The following PRH1 variants were observed in gnomAD, a reference collection of about 807,000 sequenced individuals.
The protein encoded by PRH1 is proline rich protein HaeIII subfamily 1, also known as salivary acidic proline-rich phosphoprotein 1/2.
PRH1 carries 7 observed loss-of-function variants against 7.9 expected under a neutral mutation model. The observed-to-expected ratio is 0.89, with a 90% CI of 0.50 to 1.67. The LOEUF (loss-of-function observed/expected upper bound fraction) is 1.67, where lower values mean the gene tolerates loss of function less well. Among genes scored for constraint, PRH1 ranks in the 40% most tolerant of loss-of-function variants. PRH1 has a pLI of 0.00. For missense variants in PRH1, 109 were observed against 223.6 expected (o/e 0.49, Z 3.27); for synonymous variants, 45 against 80.8 (o/e 0.56, Z 2.38).
intron 1 of PRH1, among the ~76,000 whole-genome samples, chr12:11,025,426 T>C (rs1366439283): frequency 5.9e-5 from 9 of 152,290 alleles, no homozygotes; most frequent in East Asian, 1.9e-4. Context: ...TCAGGTTGTA[T>C]TTAGAATACA....
chr12:10,954,636 T>A (rs1937863698), intron 2 of PRH1, among the ~76,000 whole-genome samples: 1 of 151,838 alleles, frequency 6.6e-6, no homozygotes, highest in South Asian at 2.1e-4. Context: ...ACTGGCTAAT[T>A]TTTGTATTTG....
chr12:11,101,603 A>C (rs1945249861), intron 1 of PRH1, among the ~76,000 whole-genome samples: 1 of 152,142 alleles, frequency 6.6e-6, no homozygotes, highest in African/African-American at 2.4e-5. Flanking sequence ...AATATGCTGC[A>C]TCACCCTAAT....
At chr12:11,090,180 T>C (rs1398526460) in intron 1 of PRH1, among the ~76,000 whole-genome samples, 25 of 103,286 alleles carry the variant, frequency 2.4e-4, no homozygotes, top group Non-Finnish European at 4.2e-4. Context: ...CATTTCATCA[T>C]TGATGACAAA....
chr12:10,972,749 T>C (rs1938877392), intron 2 of PRH1, among the ~76,000 whole-genome samples: 1 of 152,296 alleles, frequency 6.6e-6, no homozygotes, highest in South Asian at 2.1e-4. Flanking sequence ...ATGGCCAAAG[T>C]GAATTTGTTT....
rs540211700 is a variant in PRH1, at chr12:11,030,783, A to C, written c.-126+16237T>G. ...AGCAGGGTCAGAGTGAAGGGCACTA[A>C]GTTTCCTAGCGTGGTTACAGTCGCA... On this transcript the variant is annotated intron_variant, in intron 1 of 3. Transcript: ENST00000539853. 55 of 1,614,186 alleles carry C rather than the reference A, an allele frequency of 3.4e-5. No individual in the cohort carries two copies. In the African/African-American group the frequency reaches 6.4e-4, roughly 19 times the overall value.
intron 1 of PRH1, among the ~76,000 whole-genome samples, chr12:11,167,119 TTAAG>T (rs201539630): frequency 0.01 from 1,579 of 152,260 alleles, 17 homozygotes; most frequent in Non-Finnish European, 0.013. Context: ...GTTCCAAAGA[TTAAG>T]TCATAGACAT....
At chr12:11,115,105 G>A (rs1002949900) in intron 1 of PRH1, among the ~76,000 whole-genome samples, 1 of 152,072 alleles carries the variant, frequency 6.6e-6, no homozygotes, top group Non-Finnish European at 1.5e-5. Context: ...ACATAGTCTG[G>A]CTAAATGGAA....
At position 11,077,514 on chromosome 12, in the gene PRH1, C is replaced by A; in HGVS notation, n.124-30326G>T. 1.8e-6 allele frequency: 2 copies of A among 1,098,222 alleles called. 1 individual carries two copies. Among genetic ancestry groups the A allele is most frequent in the Non-Finnish European group, 2.6e-6 (2 of 767,276 alleles). 68.0% of individuals were successfully genotyped at this position (1,098,222 alleles called of 1,614,324 possible). A position where few individuals can be genotyped will look rare whatever the true frequency, so the allele number is the denominator to read the frequency against. ...GATTCCAGGTTAATGTGATTAGATA[C>A]AGAAAGTAAATGGCATATAACATGA... On this transcript the variant is annotated intron_variant and non_coding_transcript_variant, in intron 1 of 4. Transcript: ENST00000541977.
At chr12:11,133,387 T>C (rs935255835) in intron 1 of PRH1, 1 of 1,613,990 alleles carries the variant, frequency 6.2e-7, no homozygotes, top group Non-Finnish European at 8.5e-7. Flanking sequence ...AAATCTGCTT[T>C]AGCTTCTTGT....
At chr12:10,992,180 T>G (rs1939966037) in intron 1 of PRH1, among the ~76,000 whole-genome samples, 1 of 152,094 alleles carries the variant, frequency 6.6e-6, no homozygotes, top group East Asian at 1.9e-4. Context: ...TAAACAACAC[T>G]GAAGATTCAC....
intron 2 of PRH1, among the ~76,000 whole-genome samples, chr12:10,956,156 G>T (rs1461403582): frequency 6.6e-6 from 1 of 151,336 alleles, no homozygotes; most frequent in East Asian, 1.9e-4. Context: ...AATAAACATA[G>T]ATTTAAAAAA....
At chr12:10,911,276 CCA>C (rs1460285002) in intron 2 of PRH1, among the ~76,000 whole-genome samples, 1 of 152,082 alleles carries the variant, frequency 6.6e-6, no homozygotes, top group African/African-American at 2.4e-5. Flanking sequence ...TGAAAAAATA[CCA>C]CAGTTTTTAG....
chr12:10,939,551 G>GTTTTTTTT (rs60186756), intron 2 of PRH1, among the ~76,000 whole-genome samples: 55 of 123,280 alleles, frequency 4.5e-4, no homozygotes, highest in East Asian at 4.8e-4. Context: ...TGGTTTGTGT[G>GTTTTTTTT]TTTTTTTTTT....
At chr12:11,040,321 T>A (rs1942654852) in intron 1 of PRH1, among the ~76,000 whole-genome samples, 3 of 152,230 alleles carry the variant, frequency 2.0e-5, no homozygotes, top group African/African-American at 7.2e-5. Flanking sequence ...AACCAGATTT[T>A]CTGCTTCACA....
intron 1 of PRH1, among the ~76,000 whole-genome samples, chr12:11,025,973 G>GT (rs1403982777): frequency 1.7e-4 from 3 of 17,396 alleles, no homozygotes; most frequent in Non-Finnish European, 1.1e-3. Flanking sequence ...GGAGTTTTTA[G>GT]TTTTTTGTTT....
At chr12:11,170,156 G>A (rs1002079424) in intron 1 of PRH1, among the ~76,000 whole-genome samples, 1 of 152,224 alleles carries the variant, frequency 6.6e-6, no homozygotes, top group Non-Finnish European at 1.5e-5. Flanking sequence ...GTTAAAATGG[G>A]AGATAAGTGA....
intron 1 of PRH1, among the ~76,000 whole-genome samples, chr12:11,086,111 C>CA (rs200672000): frequency 0.097 from 2,675 of 27,576 alleles, 72 homozygotes; most frequent in South Asian, 0.19. Context: ...CATTCCCCCC[C>CA]CCACACACAC....
chr12:10,985,828 C>T, intron 1 of PRH1: 1 of 1,034,794 alleles, frequency 9.7e-7, no homozygotes, highest in Admixed American at 2.5e-5. Flanking sequence ...AGAAAATACT[C>T]AAAAACATAC....
chr12:10,912,048 T>A lies in PRH1; in HGVS notation c.-58-27773A>T, dbSNP rs139508904. On this transcript the variant is annotated intron_variant, in intron 2 of 3. Coordinates refer to the PRH1 transcript ENST00000539853. Reference sequence around the variant, plus strand: ...AATGGAATAATACTGTACACAATATTTTTGAATTTAACTATTTTTGATCAA... The same window carrying A: ...AATGGAATAATACTGTACACAATATATTTGAATTTAACTATTTTTGATCAA... Among the ~76,000 whole-genome samples, 700 of 152,328 alleles carry A rather than the reference T, an allele frequency of 4.6e-3. 6 individuals are homozygous for A. The highest frequency in any genetic ancestry group is 0.016 in the African/African-American group (674 of 41,588).
Sources: allele counts gnomAD v4.1 joint callset (sites outside exome capture counted in the v4.1 genomes callset), GRCh38; gene constraint gnomAD v4.1.1; transcripts MANE v1.5; gene names NCBI Gene and HGNC (gene_info 2026-07-23, HGNC 2026-07-21).